The following SOS2 variants were observed in gnomAD, a reference collection of about 807,000 sequenced individuals.
The protein encoded by SOS2 is son of sevenless homolog 2.
SOS2 carries 65 observed loss-of-function variants against 148.2 expected under a neutral mutation model. The ratio of observed to expected loss-of-function variants is 0.44; its 90% CI spans 0.36 to 0.54. The LOEUF (loss-of-function observed/expected upper bound fraction) is 0.54. Among genes scored for constraint, SOS2 ranks in the 20% least tolerant of loss-of-function variants. The probability of loss-of-function intolerance (pLI) is 0.00; values close to 1 mark genes in which losing one functional copy is unlikely to be tolerated. For missense variants in SOS2, 1,341 were observed against 1,590.2 expected (o/e 0.84, Z 2.67); for synonymous variants, 539 against 537.1 (o/e 1.00, Z -0.05).
chr14:50,157,656 T>A (rs1160366517), intron 11 of SOS2, among the ~76,000 whole-genome samples: 1 of 152,116 alleles, frequency 6.6e-6, no homozygotes, highest in Non-Finnish European at 1.5e-5. Context: ...ACTAAGTAGA[T>A]CCTCATAGCA....
chr14:50,181,372 TGA>T (rs1885730222), intron 6 of SOS2, among the ~76,000 whole-genome samples: 1 of 151,608 alleles, frequency 6.6e-6, no homozygotes, highest in Non-Finnish European at 1.5e-5. Context: ...GGCTTGAACC[TGA>T]GAGGCAGAGG....
At chr14:50,166,061 G>A (rs951881085) in intron 8 of SOS2, among the ~76,000 whole-genome samples, 1 of 152,140 alleles carries the variant, frequency 6.6e-6, no homozygotes, top group African/African-American at 2.4e-5. Context: ...TGACCACTGA[G>A]TTGAAAGGGA....
In SOS2 at chr14:50,150,119, G is replaced by A. The variant is rs1884614226; in HGVS notation, c.2273C>T (p.Pro758Leu). 1 of 1,612,542 alleles carries A rather than the reference G, an allele frequency of 6.2e-7. No individual in the cohort carries two copies. Residue 758 changes from proline (P) to leucine (L), a missense_variant, in exon 14 of 23, where the codon CCA becomes CTA. Transcript: ENST00000216373. ...TGGTTTGCTGATATGCCATTCAATT[G>A]GTGGAGGTGGACTTTCAAAGGTAAT... ...HNITFESPPP[P>L]IEWHISKPGQ...
chr14:50,130,569 G>C lies in SOS2; in HGVS notation c.3269C>G (p.Ser1090Cys). Reference protein sequence around the residue: ...VSAPTSPNTPSTPPVSASSDL... With the variant: ...VSAPTSPNTPCTPPVSASSDL... ...TGAAGAAGCAGATACTGGTGGAGTA[G>C]ATGGTGTATTTGGAGAGGTTGGTGC... Residue 1090 changes from serine (S) to cysteine (C), a missense_variant, in exon 20 of 23, where the codon TCT (serine) becomes TGT (cysteine). Ser to Cys is a moderately radical substitution (Grantham distance 112). This residue lies in a region of SOS2 where 354 missense variants were observed against 347.7 expected (regional missense o/e 1.02). Transcript: ENST00000216373. The C allele has an allele frequency of 1.9e-6, 3 of 1,613,706 alleles. No homozygotes were observed. Among genetic ancestry groups the C allele is most frequent in the Non-Finnish European group, 2.5e-6 (3 of 1,179,592 alleles).
intron 1 of SOS2, among the ~76,000 whole-genome samples, chr14:50,225,112 T>G (rs542718088): frequency 6.6e-6 from 1 of 152,172 alleles, no homozygotes; most frequent in Non-Finnish European, 1.5e-5. Flanking sequence ...TATATTCTTA[T>G]GTAAAAGAAG....
At chr14:50,137,607 AAAT>A (rs1884125632) in intron 18 of SOS2, among the ~76,000 whole-genome samples, 1 of 152,190 alleles carries the variant, frequency 6.6e-6, no homozygotes, top group Admixed American at 6.5e-5. Flanking sequence ...ATAGCAAGAC[AAAT>A]AATTATGATA....
chr14:50,130,500 C>G lies in SOS2; in HGVS notation c.3337+1G>C. The stretch of plus-strand genomic sequence containing the variant: ...CCAAGCGGTTTACATCAAATACTTA[C>G]CACAGGAGCTGTTGAGATCCACATC... On this transcript the variant is annotated splice_donor_variant, in intron 20 of 22. Transcript: ENST00000216373. LOFTEE classifies it high-confidence loss of function. The G allele has an allele frequency of 6.2e-7, 1 of 1,612,998 alleles. No homozygotes were observed. Among genetic ancestry groups the G allele is most frequent in the Non-Finnish European group, 8.5e-7 (1 of 1,179,316 alleles).
intron 1 of SOS2, 23 bp downstream of exon 1, chr14:50,231,174 G>C: frequency 7.3e-7 from 1 of 1,362,642 alleles, no homozygotes; most frequent in Non-Finnish European, 9.7e-7. Context: ...CCACCCGCCG[G>C]CCGCCCCGCC....
chr14:50,191,933 T>C (rs1397424456), intron 4 of SOS2, among the ~76,000 whole-genome samples: 1 of 152,044 alleles, frequency 6.6e-6, no homozygotes, highest in African/African-American at 2.4e-5. Flanking sequence ...GGAGGATTGC[T>C]TGAGCCCAGG....
chr14:50,175,810 G>T (rs2139682860), intron 7 of SOS2, among the ~76,000 whole-genome samples: 1 of 152,176 alleles, frequency 6.6e-6, no homozygotes, highest in South Asian at 2.1e-4. Flanking sequence ...ATGTGAGAAA[G>T]AATCTGATAT....
chr14:50,157,033 A>G lies in SOS2; in HGVS notation c.2023T>C (p.Phe675Leu). Residue 675 changes from phenylalanine to leucine, a missense_variant, in exon 12 of 23, where the codon TTT (phenylalanine) becomes CTT (leucine). By Grantham distance (22) the Phe-to-Leu change is conservative. This residue lies in a region of SOS2 where 408 missense variants were observed against 506.6 expected (regional missense o/e 0.81). Transcript: ENST00000216373. ...EQPISADLKR[F>L]RKEYVQPVQL... ...ACTGGTTGGACATATTCCTTGCGAA[A>G]TCTTTTAAGGTCTGCACTGATTGGC... 1 of 1,610,700 alleles carries G rather than the reference A, an allele frequency of 6.2e-7. No homozygotes were observed. The highest frequency in any genetic ancestry group is 1.1e-5 in the South Asian group (1 of 90,648).
intron 21 of SOS2, among the ~76,000 whole-genome samples, chr14:50,126,287 C>A (rs1034537733): frequency 1.3e-5 from 2 of 152,034 alleles, no homozygotes; most frequent in Non-Finnish European, 2.9e-5. Flanking sequence ...GTGGTGAGAA[C>A]ATTTAAAATC....
At chr14:50,201,648 C>T (rs1421278072) in intron 2 of SOS2, among the ~76,000 whole-genome samples, 1 of 150,516 alleles carries the variant, frequency 6.6e-6, no homozygotes, top group Non-Finnish European at 1.5e-5. Context: ...TTAAGATGAA[C>T]CGGAAAAAGG....
At chr14:50,201,982 CTCTG>C (rs1401846607) in intron 2 of SOS2, among the ~76,000 whole-genome samples, 15 of 152,180 alleles carry the variant, frequency 9.9e-5, no homozygotes, top group African/African-American at 3.6e-4. Context: ...ACTCTTGTCA[CTCTG>C]TCTGTGTCAC....
chr14:50,211,415 C>T (rs966763958), intron 1 of SOS2, among the ~76,000 whole-genome samples: 6 of 152,034 alleles, frequency 3.9e-5, no homozygotes, highest in Non-Finnish European at 2.9e-5. Context: ...GTTTGGGGTA[C>T]AAATGATCCC....
chr14:50,180,672 A>T lies in SOS2; in HGVS notation c.869T>A (p.Phe290Tyr). ...CTGTGATAATGTTTCATAAGGATCA[A>T]ATGCTTGCTCCTATTTTTTTAAAAA... Reference protein sequence around the residue: ...CFEDLAEEQAFDPYETLSQDI... With the variant: ...CFEDLAEEQAYDPYETLSQDI... Residue 290 changes from phenylalanine (F) to tyrosine (Y), a missense_variant, in exon 7 of 23, where the codon TTT becomes TAT. Around this residue, in one of 4 missense-constraint regions of SOS2, gnomAD observed 574 missense variants for 711.1 expected, o/e 0.81. Coordinates refer to ENST00000216373, the MANE Select transcript of SOS2 (RefSeq NM_006939.4). The T allele has an allele frequency of 6.4e-7, 1 of 1,570,926 alleles. No homozygotes were observed. Among genetic ancestry groups the T allele is most frequent in the Non-Finnish European group, 8.7e-7 (1 of 1,153,672 alleles).
chr14:50,149,238 A>C (rs1884586731), intron 14 of SOS2, among the ~76,000 whole-genome samples: 1 of 152,156 alleles, frequency 6.6e-6, no homozygotes, highest in Non-Finnish European at 1.5e-5. Context: ...TACTACTCAC[A>C]ATAGCTATGA....
intron 21 of SOS2, among the ~76,000 whole-genome samples, chr14:50,127,408 C>T (rs188656793): frequency 3.0e-4 from 46 of 152,266 alleles, no homozygotes; most frequent in Admixed American, 2.5e-3. Context: ...TCCCAAAGTG[C>T]TGGGATTACA....
chr14:50,177,567 G>C (rs1242798172), intron 7 of SOS2, among the ~76,000 whole-genome samples: 1 of 151,794 alleles, frequency 6.6e-6, no homozygotes, highest in Non-Finnish European at 1.5e-5. Flanking sequence ...TAATAAAATA[G>C]GACTGAAACA....
Sources: allele counts gnomAD v4.1 joint callset (sites outside exome capture counted in the v4.1 genomes callset), GRCh38; gene constraint gnomAD v4.1.1; regional missense constraint gnomAD v4.1.1; transcripts MANE v1.5; gene names NCBI Gene and HGNC (gene_info 2026-07-23, HGNC 2026-07-21).